The following OR3A2 variants were observed in gnomAD, a reference collection of about 807,000 sequenced individuals.
The protein encoded by OR3A2 is olfactory receptor 3A2.
For synonymous variants in OR3A2, 126 were observed against 159.3 expected (o/e 0.79, Z 1.57); for missense variants, 318 against 392.8 (o/e 0.81, Z 1.61).
intron 2 of OR3A2, among the ~76,000 whole-genome samples, chr17:3,350,285 G>C (rs1597353777): frequency 6.6e-6 from 1 of 152,032 alleles, no homozygotes; most frequent in East Asian, 1.9e-4. Flanking sequence ...TAGCCTGCTA[G>C]CAAGACTAAT....
intron 3 of OR3A2, among the ~76,000 whole-genome samples, chr17:3,323,492 G>A (rs2049143577): frequency 1.3e-5 from 2 of 152,012 alleles, no homozygotes; most frequent in East Asian, 1.9e-4. Flanking sequence ...GCAGTGGCTG[G>A]TACCGGTTGT....
At chr17:3,361,588 C>T (rs1420626766) in intron 2 of OR3A2, among the ~76,000 whole-genome samples, 1 of 151,538 alleles carries the variant, frequency 6.6e-6, no homozygotes, top group Admixed American at 6.6e-5. Flanking sequence ...GAGATACGTC[C>T]CATCAATACC....
intron 3 of OR3A2, among the ~76,000 whole-genome samples, chr17:3,332,360 G>A (rs538542091): frequency 7.2e-5 from 11 of 152,324 alleles, no homozygotes; most frequent in East Asian, 1.9e-4. Context: ...AGCAATCAGC[G>A]AGACTCCGTG....
chr17:3,300,027 G>C (rs1222722486), intron 3 of OR3A2, among the ~76,000 whole-genome samples: 1 of 151,606 alleles, frequency 6.6e-6, no homozygotes, highest in Non-Finnish European at 1.5e-5. Context: ...TTGAGGCTCG[G>C]GGAAGTTTAG....
At chr17:3,362,275 T>G (rs976121648) in intron 2 of OR3A2, among the ~76,000 whole-genome samples, 1 of 151,708 alleles carries the variant, frequency 6.6e-6, no homozygotes, top group Non-Finnish European at 1.5e-5. Context: ...CCCTTTAGCA[T>G]TTTTTATGGC....
At chr17:3,361,036 C>T (rs2049510227) in intron 2 of OR3A2, among the ~76,000 whole-genome samples, 1 of 151,452 alleles carries the variant, frequency 6.6e-6, no homozygotes, top group African/African-American at 2.5e-5. Context: ...GATATTGATT[C>T]TTCCTACCCA....
At chr17:3,344,429 T>C (rs1331663570) in intron 2 of OR3A2, among the ~76,000 whole-genome samples, 1 of 152,136 alleles carries the variant, frequency 6.6e-6, no homozygotes. Context: ...TACTGTACCT[T>C]GGAGACTCTG....
At chr17:3,377,902 G>A (rs1474057422) in intron 2 of OR3A2, among the ~76,000 whole-genome samples, 1 of 152,228 alleles carries the variant, frequency 6.6e-6, no homozygotes. Flanking sequence ...AAGAAAGTGA[G>A]ACATATAACC....
At chr17:3,351,571 T>A in intron 2 of OR3A2, among the ~76,000 whole-genome samples, 1 of 125,710 alleles carries the variant, frequency 8.0e-6, no homozygotes, top group African/African-American at 3.0e-5. Context: ...TGCTCATGGG[T>A]AGGAAGAATC....
At chr17:3,378,671 C>T (rs986757791) in intron 2 of OR3A2, among the ~76,000 whole-genome samples, 2 of 152,184 alleles carry the variant, frequency 1.3e-5, no homozygotes, top group African/African-American at 4.8e-5. Flanking sequence ...GCAGCAGCTG[C>T]TCCAGATGGG....
chr17:3,305,302 C>T (rs1019246033), intron 3 of OR3A2, among the ~76,000 whole-genome samples: 3 of 152,110 alleles, frequency 2.0e-5, no homozygotes, highest in Non-Finnish European at 4.4e-5. Context: ...ACCACCAATC[C>T]ACCAGGCCTT....
upstream of OR3A2, among the ~76,000 whole-genome samples, chr17:3,286,990 A>G (rs1316658314): frequency 6.6e-6 from 1 of 152,176 alleles, no homozygotes; most frequent in African/African-American, 2.4e-5. Flanking sequence ...GTCCATGCCC[A>G]TGCCTATGTC....
At chr17:3,313,293 T>G (rs1201885470) in intron 3 of OR3A2, among the ~76,000 whole-genome samples, 1 of 152,198 alleles carries the variant, frequency 6.6e-6, no homozygotes, top group Non-Finnish European at 1.5e-5. Context: ...GGCCTTAGAT[T>G]ATCTCAGCAC....
At chr17:3,376,152 G>T (rs1601909) in intron 2 of OR3A2, among the ~76,000 whole-genome samples, 23,044 of 152,234 alleles carry the variant, frequency 0.15, 2,320 homozygotes, top group African/African-American at 0.28. Flanking sequence ...ACAGTGGAAT[G>T]AGATATTGTT....
At chr17:3,302,898 C>T (rs1435802421) in intron 3 of OR3A2, among the ~76,000 whole-genome samples, 4 of 152,202 alleles carry the variant, frequency 2.6e-5, no homozygotes, top group Non-Finnish European at 5.9e-5. Flanking sequence ...ACCCACAGTA[C>T]AACTTTCTAT....
chr17:3,337,263 TTCA>T, intron 2 of OR3A2, among the ~76,000 whole-genome samples: 1 of 152,238 alleles, frequency 6.6e-6, no homozygotes, highest in Middle Eastern at 3.4e-3. Context: ...CCAGAACTTC[TTCA>T]TGTGCACTTT....
At chr17:3,358,692 T>C (rs181136672) in intron 2 of OR3A2, among the ~76,000 whole-genome samples, 1 of 151,904 alleles carries the variant, frequency 6.6e-6, no homozygotes, top group East Asian at 1.9e-4. Context: ...TTATTTTATG[T>C]CTAATTATGT....
intron 3 of OR3A2, among the ~76,000 whole-genome samples, chr17:3,333,910 A>G (rs1438866751): frequency 1.3e-5 from 2 of 152,182 alleles, no homozygotes; most frequent in Admixed American, 1.3e-4. Flanking sequence ...ATTTACAAGA[A>G]AAAAACAACC....
At chr17:3,325,203 A>ATTTTTTT (rs61124691) in intron 3 of OR3A2, among the ~76,000 whole-genome samples, 3 of 108,614 alleles carry the variant, frequency 2.8e-5, no homozygotes, top group African/African-American at 1.1e-4. Flanking sequence ...GATCCTTCCA[A>ATTTTTTT]TTTTTTTTTT....
Sources: allele counts gnomAD v4.1 joint callset (sites outside exome capture counted in the v4.1 genomes callset), GRCh38; gene constraint gnomAD v4.1.1; transcripts MANE v1.5; gene names NCBI Gene and HGNC (gene_info 2026-07-23, HGNC 2026-07-21).